The following RALGDS variants were observed in gnomAD, a reference collection of about 807,000 sequenced individuals.
RALGDS encodes ral guanine nucleotide exchange factor.
Under a neutral mutation model 99.8 loss-of-function variants are expected in RALGDS, and 44 were observed. The observed-to-expected ratio is 0.44, with a 90% confidence interval of 0.35 to 0.57. The LOEUF (loss-of-function observed/expected upper bound fraction) is 0.57. Among genes scored for constraint, RALGDS ranks in the 20% least tolerant of loss-of-function variants. The pLI, the probability that RALGDS is intolerant of heterozygous loss-of-function variation, is 0.01. For synonymous variants in RALGDS, 529 were observed against 505.0 expected (o/e 1.05, Z -0.64); for missense variants, 1,022 against 1,203.1 (o/e 0.85, Z 2.23).
At position 133,146,195 on chromosome 9, in the gene RALGDS, G is replaced by A. The variant is rs566363919; in HGVS notation, c.18+2768C>T. Among the ~76,000 whole-genome samples, 23 of 96,436 alleles carry A rather than the reference G, an allele frequency of 2.4e-4. No homozygotes were observed. The South Asian group carries it at 4.8e-3, about 20-fold the overall frequency. 63.3% of individuals were successfully genotyped at this position (96,436 alleles called of 152,430 possible). A position where few individuals can be genotyped will look rare whatever the true frequency, so the allele number is the denominator to read the frequency against. Reference sequence around the variant, plus strand: ...ATGATGTTTGTTTGTTTGTTTGTTCGTTTGTTTATTGAGACAGGGTCTGGC... The same window carrying A: ...ATGATGTTTGTTTGTTTGTTTGTTCATTTGTTTATTGAGACAGGGTCTGGC... On this transcript the variant is annotated intron_variant, in intron 1 of 17. Coordinates refer to the RALGDS transcript ENST00000393160.
At position 133,102,828 on chromosome 9, in the gene RALGDS, G is replaced by C; in HGVS notation, c.1864C>G (p.Gln622Glu). 6.2e-7 allele frequency: 1 copy of C among 1,613,618 alleles called. No individual in the cohort carries two copies. Among genetic ancestry groups the C allele is most frequent in the Non-Finnish European group, 8.5e-7 (1 of 1,179,982 alleles). ...ACGGCCCGGAACCAGGCCCCAAATTGCTCATCTGGCGCGATGCTGTAGTTG... is the reference window on the plus strand; with the variant it reads ...ACGGCCCGGAACCAGGCCCCAAATTCCTCATCTGGCGCGATGCTGTAGTTG... ...CNNYSIAPDE[Q>E]FGAWFRAVER... is the part of the protein sequence containing the mutation. The change falls in exon 13 of 18, where the codon CAA becomes GAA. Residue 622 changes from glutamine to glutamate, a missense_variant. Coordinates refer to ENST00000372050, the MANE Select transcript of RALGDS (RefSeq NM_006266.4).
chr9:133,129,023 A>G (rs1832249764), intron 1 of RALGDS: 3 of 1,287,010 alleles, frequency 2.3e-6, no homozygotes, highest in South Asian at 1.6e-5. Context: ...AACTCCTCCA[A>G]CCAGTTCTGG....
chr9:133,135,676 G>A (rs1179112184), upstream of RALGDS, among the ~76,000 whole-genome samples: 1 of 152,240 alleles, frequency 6.6e-6, no homozygotes, highest in East Asian at 1.9e-4. Flanking sequence ...CTGGCTGGGT[G>A]GAGCTGGGTG....
chr9:133,102,579 C>T lies in RALGDS; in HGVS notation c.1914-8G>A, dbSNP rs778153877. The T allele has an allele frequency of 1.5e-5, 24 of 1,613,614 alleles. No homozygotes were observed. The highest frequency in any genetic ancestry group is 2.2e-5 in the East Asian group (1 of 44,892). ...TCGCACGACAGGTTGTAGCTATGAGCAGAGGGGCAGTGGTGTGACAACCAG... is the reference window on the plus strand; with the variant it reads ...TCGCACGACAGGTTGTAGCTATGAGTAGAGGGGCAGTGGTGTGACAACCAG... On this transcript the variant is annotated splice_region_variant and splice_polypyrimidine_tract_variant and intron_variant, in intron 13 of 17. Transcript: ENST00000372050.
At chr9:133,126,938 C>T (rs1041155825) in intron 1 of RALGDS, among the ~76,000 whole-genome samples, 5 of 152,214 alleles carry the variant, frequency 3.3e-5, no homozygotes, top group Non-Finnish European at 5.9e-5. Context: ...ACCCAGACAC[C>T]GCGGCCAGTG....
intron 1 of RALGDS, among the ~76,000 whole-genome samples, chr9:133,143,991 G>A (rs960010468): frequency 5.3e-5 from 8 of 152,020 alleles, no homozygotes; most frequent in Admixed American, 2.0e-4. Flanking sequence ...CTGAGGGGCT[G>A]TGCTGACCCC....
At chr9:133,140,534 C>T (rs1832501890) in intron 1 of RALGDS, among the ~76,000 whole-genome samples, 1 of 152,138 alleles carries the variant, frequency 6.6e-6, no homozygotes, top group African/African-American at 2.4e-5. Flanking sequence ...GGACCCTAAC[C>T]TAGAAAGAGG....
rs760813307 is a variant in RALGDS, at chr9:133,103,848, TAGG to T, written c.1672-18_1672-16del. On this transcript the variant is annotated splice_polypyrimidine_tract_variant and intron_variant, in intron 10 of 17. Transcript: ENST00000372050. ...TGGATGATGCCCTGTGACATTGGGGTAGGAGGATGAGCAAGGCCCCTCCCCTGA... is the reference window on the plus strand; with the variant it reads ...TGGATGATGCCCTGTGACATTGGGGTAGGATGAGCAAGGCCCCTCCCCTGA... 18 of 1,610,512 alleles carry T rather than the reference TAGG, an allele frequency of 1.1e-5. No homozygotes were observed. In the Admixed American group the frequency reaches 2.7e-4, roughly 24 times the overall value.
At chr9:133,132,671 G>A (rs1273461545), upstream of RALGDS, among the ~76,000 whole-genome samples, 1 of 151,694 alleles carries the variant, frequency 6.6e-6, no homozygotes, top group Non-Finnish European at 1.5e-5. Context: ...ACGGAGTCTC[G>A]CTCTGTCACC....
upstream of RALGDS, among the ~76,000 whole-genome samples, chr9:133,123,487 G>C (rs972511426): frequency 1.9e-4 from 29 of 152,178 alleles, no homozygotes; most frequent in Non-Finnish European, 4.3e-4. Flanking sequence ...ACCCCCCAAC[G>C]CGGCTGGCCT....
At chr9:133,120,500 T>C (rs1344705164) in intron 1 of RALGDS, among the ~76,000 whole-genome samples, 1 of 134,836 alleles carries the variant, frequency 7.4e-6, no homozygotes, top group East Asian at 2.5e-4. Context: ...CCAAGTAGGG[T>C]CTGTCTGGAA....
rs1248642686 is a variant in RALGDS at position 133,098,565 on chromosome 9, G to A, written c.*22C>T. The A allele has an allele frequency of 4.3e-6, 7 of 1,613,236 alleles. No homozygotes were observed. The highest frequency in any genetic ancestry group is 5.9e-6 in the Non-Finnish European group (7 of 1,179,860). On this transcript the variant is annotated 3_prime_UTR_variant, in exon 18 of 18. Coordinates refer to ENST00000372050, the MANE Select transcript of RALGDS (RefSeq NM_006266.4). ...TCCATAAGTGCTTGGCTACCAGCCA[G>A]CCAGACCCTGGGAGGATGCCCTCAG... is the stretch of plus-strand genomic sequence containing the variant.
chr9:133,113,599 T>C (rs570642859), intron 1 of RALGDS, among the ~76,000 whole-genome samples: 1 of 152,326 alleles, frequency 6.6e-6, no homozygotes. Flanking sequence ...GCCCTTCCAC[T>C]GACAGGAAAA....
In RALGDS at chr9:133,100,961, G is replaced by A. The variant is rs896702747; in HGVS notation, c.2454+559C>T. On this transcript the variant is annotated intron_variant, in intron 16 of 17. Coordinates refer to ENST00000372050, the MANE Select transcript of RALGDS (RefSeq NM_006266.4). ...GACCCAGGGCTGGGGTACAGAGGGT[G>A]GGGGTTACAAATGGTTCATCTGTCG... 4.8e-5 allele frequency: 50 copies of A among 1,049,802 alleles called. No homozygotes were observed. In the East Asian group the frequency reaches 3.5e-3, roughly 73 times the overall value. The allele number at this position is 1,049,802 out of a possible 1,614,324, so 65.0% of individuals were successfully genotyped here.
chr9:133,121,734 A>G (rs1831955589), upstream of RALGDS, among the ~76,000 whole-genome samples: 1 of 152,162 alleles, frequency 6.6e-6, no homozygotes, highest in African/African-American at 2.4e-5. Context: ...AGTGAAAATG[A>G]CTTCCTCAAA....
chr9:133,131,228 G>A, upstream of RALGDS: 2 of 1,011,514 alleles, frequency 2.0e-6, no homozygotes, highest in Non-Finnish European at 2.4e-6. Flanking sequence ...CAGGGCCTGG[G>A]AGCTCTGCCA....
At chr9:133,106,411 A>G (rs933053185) in intron 8 of RALGDS, among the ~76,000 whole-genome samples, 3 of 152,136 alleles carry the variant, frequency 2.0e-5, no homozygotes, top group Non-Finnish European at 2.9e-5. Flanking sequence ...TTTGATTTCA[A>G]TTGGATGAGG....
Position 133,108,287 on chromosome 9 carries a change from C to G in RALGDS, c.898G>C (p.Ala300Pro). The change falls in exon 6 of 18, where the codon GCT (alanine) becomes CCT (proline). Residue 300 changes from alanine (A) to proline (P), a missense_variant. Ala to Pro is a conservative substitution (Grantham distance 27). Coordinates refer to ENST00000372050, the MANE Select transcript of RALGDS (RefSeq NM_006266.4). The stretch of plus-strand genomic sequence containing the variant: ...GCTACTTCTAGCTCTGAACCTGGAG[C>G]TGGTGTTGGAGCTGGCTCTGGCTCC... ...APEPEPAPTPAPGSELEVAPA... is the reference protein window; with the variant it reads ...APEPEPAPTPPPGSELEVAPA... 6.4e-7 allele frequency: 1 copy of G among 1,561,658 alleles called. No individual in the cohort carries two copies. The highest frequency in any genetic ancestry group is 1.2e-5 in the South Asian group (1 of 86,266).
In RALGDS at chr9:133,106,029, C is replaced by T; in HGVS notation, c.1518-13G>A. 6.2e-7 allele frequency: 1 copy of T among 1,603,288 alleles called. No individual in the cohort carries two copies. Among genetic ancestry groups the T allele is most frequent in the Non-Finnish European group, 8.5e-7 (1 of 1,173,248 alleles). ...CCGGAAACTGTCCCTGTCAGAAGGG[C>T]AAAGAAGGAAAGAGAAAGCTGGGAA... On this transcript the variant is annotated splice_polypyrimidine_tract_variant and intron_variant, in intron 8 of 17. Coordinates refer to ENST00000372050, the MANE Select transcript of RALGDS (RefSeq NM_006266.4).
Sources: gnomAD v4.1 joint callset for allele counts (sites outside exome capture counted in the v4.1 genomes callset) on GRCh38, gnomAD v4.1.1 for gene constraint, MANE v1.5 for transcripts, NCBI Gene and HGNC (gene_info 2026-07-23, HGNC 2026-07-21) for gene names.